Variants in PCDH17 observed in about 807,000 individuals in gnomAD.
The protein encoded by PCDH17 is protocadherin 17, also known as protocadherin-17.
PCDH17 carries 21 observed loss-of-function variants against 67.7 expected under a neutral mutation model. The observed-to-expected ratio is 0.31, with a 90% CI of 0.22 to 0.45. PCDH17 has a LOEUF of 0.45. Among genes scored for constraint, PCDH17 ranks in the 20% least tolerant of loss-of-function variants. The pLI is 1.00. For missense variants in PCDH17, 1,471 were observed against 1,564.8 expected (o/e 0.94, Z 1.01); for synonymous variants, 701 against 656.7 (o/e 1.07, Z -1.03).
chr13:57,675,262 T>A (rs1231392961), intron 3 of PCDH17, among the ~76,000 whole-genome samples: 1 of 152,006 alleles, frequency 6.6e-6, no homozygotes, highest in African/African-American at 2.4e-5. Flanking sequence ...TGTCAGTCTG[T>A]GCACAATATC....
Position 57,633,862 on chromosome 13 carries a change from A to G in PCDH17, c.1316A>G (p.Asn439Ser), listed in dbSNP as rs1954773067. ...GACCGCGAGACACAAGACGAGTACA[A>G]CGTGACCATCGTGGCGCGGGACGGG... ...PLDRETQDEY[N>S]VTIVARDGGS... is the part of the protein sequence containing the mutation. Residue 439 changes from asparagine to serine, a missense_variant, in exon 1 of 4, where the codon AAC becomes AGC. Transcript: ENST00000377918. The surrounding 1 kb of genome is among the most constrained non-coding windows in gnomAD (Gnocchi z 6.2). The G allele has an allele frequency of 2.5e-6, 4 of 1,613,034 alleles. No homozygotes were observed. In the East Asian group the frequency reaches 8.9e-5, roughly 36 times the overall value.
At chr13:57,641,248 C>A (rs767764987) in intron 1 of PCDH17, among the ~76,000 whole-genome samples, 1 of 151,368 alleles carries the variant, frequency 6.6e-6, no homozygotes, top group Non-Finnish European at 1.5e-5. Flanking sequence ...AAGCTTTCAC[C>A]ACTAGCTTTG....
intron 3 of PCDH17, among the ~76,000 whole-genome samples, chr13:57,668,383 C>T (rs1453225116): frequency 6.6e-6 from 1 of 151,920 alleles, no homozygotes; most frequent in East Asian, 1.9e-4. Context: ...TTTTTTGTAT[C>T]TTTATGAGAA....
At chr13:57,695,386 C>T (rs1955597256) in intron 3 of PCDH17, among the ~76,000 whole-genome samples, 1 of 149,286 alleles carries the variant, frequency 6.7e-6, no homozygotes, top group South Asian at 2.1e-4. Flanking sequence ...CATATGAAGG[C>T]ACACAAGGTA....
At chr13:57,716,899 C>T (rs932581707) in intron 3 of PCDH17, among the ~76,000 whole-genome samples, 14 of 151,780 alleles carry the variant, frequency 9.2e-5, no homozygotes, top group Non-Finnish European at 1.8e-4. Flanking sequence ...GCATTTTTAC[C>T]TTATAAATTA....
At chr13:57,684,774 A>G (rs1166629524) in intron 3 of PCDH17, among the ~76,000 whole-genome samples, 1 of 151,988 alleles carries the variant, frequency 6.6e-6, no homozygotes, top group Non-Finnish European at 1.5e-5. Flanking sequence ...TTTTAGAACT[A>G]TGGTGTTATG....
chr13:57,725,039 C>T lies in PCDH17; in HGVS notation c.3225C>T (p.Asp1075=). The part of the protein sequence containing the change: ...AEASSQYLPT[D]SQYLSPSKQP... ...CAAGCAGTCAGTACTTGCCCACTGA[C>T]AGTCAATATCTGTCACCTAGTAAGC... is the stretch of plus-strand genomic sequence containing the variant. Residue 1075 remains aspartate (D), a synonymous_variant, in exon 4 of 4, where the codon GAC becomes GAT. Transcript: ENST00000377918. The T allele has an allele frequency of 1.9e-6, 3 of 1,614,162 alleles. No individual in the cohort carries two copies. Among genetic ancestry groups the T allele is most frequent in the Non-Finnish European group, 2.5e-6 (3 of 1,180,014 alleles).
chr13:57,675,902 T>TGAGGC (rs1444713106), intron 3 of PCDH17, among the ~76,000 whole-genome samples: 30 of 151,868 alleles, frequency 2.0e-4, no homozygotes, highest in Admixed American at 5.3e-4. Flanking sequence ...CAAGAGAAAA[T>TGAGGC]GAGGCCCAGA....
intron 3 of PCDH17, among the ~76,000 whole-genome samples, chr13:57,724,009 A>G (rs555305854): frequency 5.9e-5 from 9 of 152,292 alleles, no homozygotes; most frequent in African/African-American, 2.2e-4. Flanking sequence ...AATAAAATAG[A>G]GATGTGCACT....
chr13:57,648,060 A>G (rs1007104864), intron 1 of PCDH17, among the ~76,000 whole-genome samples: 6 of 151,952 alleles, frequency 3.9e-5, no homozygotes, highest in African/African-American at 1.4e-4. Flanking sequence ...TTTATGTTAA[A>G]TATCCATTAT....
chr13:57,650,031 A>T (rs1262932167), intron 1 of PCDH17, among the ~76,000 whole-genome samples: 2 of 152,148 alleles, frequency 1.3e-5, no homozygotes, highest in Admixed American at 6.5e-5. Flanking sequence ...TTCCTTTTTT[A>T]TCTGTTGGAG....
intron 1 of PCDH17, among the ~76,000 whole-genome samples, chr13:57,644,426 T>C (rs990620630): frequency 3.3e-5 from 5 of 151,600 alleles, no homozygotes. Flanking sequence ...CTTTCCACGA[T>C]TTTTTATAAT....
intron 1 of PCDH17, among the ~76,000 whole-genome samples, chr13:57,643,318 A>G (rs1326882078): frequency 6.6e-6 from 1 of 151,684 alleles, no homozygotes; most frequent in Non-Finnish European, 1.5e-5. Flanking sequence ...TAATAAGAAA[A>G]AAGTTATTTT....
At position 57,632,982 on chromosome 13, in the gene PCDH17, G is replaced by A. The variant is rs953973412; in HGVS notation, c.436G>A (p.Ala146Thr). ...QIEMDISENA[A>T]PGTRFPLTSA... ...CGAAATGGACATCTCGGAGAACGCTGCTCCGGGCACCCGCTTCCCCCTCAC... is the reference window on the plus strand; with the variant it reads ...CGAAATGGACATCTCGGAGAACGCTACTCCGGGCACCCGCTTCCCCCTCAC... The change falls in exon 1 of 4, where the codon GCT becomes ACT. Residue 146 changes from alanine to threonine, a missense_variant. Around this residue, in one of 3 missense-constraint regions of PCDH17, gnomAD observed 1,163 missense variants for 1,230.0 expected, o/e 0.95. Transcript: ENST00000377918. 1 of 1,613,404 alleles carries A rather than the reference G, an allele frequency of 6.2e-7. No homozygotes were observed. The highest frequency in any genetic ancestry group is 8.5e-7 in the Non-Finnish European group (1 of 1,179,988).
intron 3 of PCDH17, among the ~76,000 whole-genome samples, chr13:57,718,574 T>C (rs1011165752): frequency 2.0e-5 from 3 of 151,960 alleles, no homozygotes; most frequent in Non-Finnish European, 2.9e-5. Context: ...AAAGTTTTTA[T>C]AGGATCAGAA....
At chr13:57,696,071 G>A (rs1955604967) in intron 3 of PCDH17, among the ~76,000 whole-genome samples, 1 of 151,286 alleles carries the variant, frequency 6.6e-6, no homozygotes, top group Non-Finnish European at 1.5e-5. Context: ...TGATACATGG[G>A]AAAACAGTGT....
chr13:57,701,267 C>CGTTTGTTT (rs200060600), intron 3 of PCDH17, among the ~76,000 whole-genome samples: 11 of 152,124 alleles, frequency 7.2e-5, no homozygotes, highest in African/African-American at 2.4e-4. Context: ...GTATCTCCCC[C>CGTTTGTTT]GTTTGTTTGT....
In PCDH17 at chr13:57,634,347, G is replaced by T; in HGVS notation, c.1801G>T (p.Ala601Ser). The T allele has an allele frequency of 6.2e-7, 1 of 1,612,586 alleles. No individual in the cohort carries two copies. Among genetic ancestry groups the T allele is most frequent in the Non-Finnish European group, 8.5e-7 (1 of 1,179,966 alleles). The change falls in exon 1 of 4, where the codon GCT becomes TCT. Residue 601 changes from alanine (A) to serine (S), a missense_variant. Ala to Ser is a moderately conservative substitution (Grantham distance 99). This residue lies in a region of PCDH17 where 1,163 missense variants were observed against 1,230.0 expected (regional missense o/e 0.95). Coordinates refer to ENST00000377918, the MANE Select transcript of PCDH17 (RefSeq NM_001040429.3). The surrounding 1 kb of genome is among the most constrained non-coding windows in gnomAD (Gnocchi z 7.8). ...DTAELQVPRN[A>S]GLGYLVSTVR... is the part of the protein sequence containing the mutation. Reference sequence around the variant, plus strand: ...CGCGGAGCTGCAGGTGCCGCGCAACGCTGGCCTGGGCTATCTGGTGAGCAC... The same window carrying T: ...CGCGGAGCTGCAGGTGCCGCGCAACTCTGGCCTGGGCTATCTGGTGAGCAC...
chr13:57,651,304 A>G (rs532755519), intron 1 of PCDH17, among the ~76,000 whole-genome samples: 1 of 151,410 alleles, frequency 6.6e-6, no homozygotes, highest in Admixed American at 6.6e-5. Context: ...AGGCCAATCA[A>G]TGGATATATT....
Sources: gnomAD v4.1 joint callset for allele counts (sites outside exome capture counted in the v4.1 genomes callset) on GRCh38, gnomAD v4.1.1 for gene constraint, gnomAD v4.1.1 regional missense constraint, Gnocchi (gnomAD v3.1) non-coding constraint, MANE v1.5 for transcripts, NCBI Gene and HGNC (gene_info 2026-07-23, HGNC 2026-07-21) for gene names.